NDUFS1: variants seen among roughly 807,000 people sequenced by gnomAD.
NDUFS1 encodes NADH-ubiquinone oxidoreductase 75 kDa subunit, mitochondrial.
Under a neutral mutation model 84.4 loss-of-function variants are expected in NDUFS1, and 61 were observed. The observed-to-expected ratio is 0.72, with a 90% CI of 0.59 to 0.89. NDUFS1 has a LOEUF of 0.89. Among genes scored for constraint, NDUFS1 ranks in the 40% least tolerant of loss-of-function variants. NDUFS1 has a pLI of 0.00. For synonymous variants in NDUFS1, 275 were observed against 290.0 expected, an observed-to-expected ratio of 0.95 and a Z score of 0.53; for missense variants, 891 against 890.0, an observed-to-expected ratio of 1.00 and a Z score of -0.01.
chr2:206,131,082 G>A (rs562219654), intron 14 of NDUFS1, among the ~76,000 whole-genome samples: 25 of 152,218 alleles, frequency 1.6e-4, no homozygotes, highest in African/African-American at 6.0e-4. Context: ...TGAATAGCAG[G>A]GTTGTTGTTT....
rs1001635377 is a variant in NDUFS1 at position 206,122,658 on chromosome 2, G to C, written c.*1527C>G. 1.5e-4 allele frequency: 18 copies of C among 121,054 alleles called. No individual in the cohort carries two copies. Among genetic ancestry groups the C allele is most frequent in the Non-Finnish European group, 2.7e-4 (16 of 59,500 alleles). 7.5% of individuals were successfully genotyped at this position (121,054 alleles called of 1,614,324 possible). A position where few individuals can be genotyped will look rare whatever the true frequency, so the allele number is the denominator to read the frequency against. On this transcript the variant is annotated 3_prime_UTR_variant, in exon 19 of 19. Coordinates refer to ENST00000233190, the MANE Select transcript of NDUFS1 (RefSeq NM_005006.7). ...AAAAAAAAAAAAACAAAGGGAAAAA[G>C]GGCATCCTATACTTGGGCTGAGTCT...
At chr2:206,158,936 T>G in intron 1 of NDUFS1, 1 of 697,758 alleles carries the variant, frequency 1.4e-6, no homozygotes. Flanking sequence ...CAAACAATCA[T>G]GCACTGTATC....
At chr2:206,151,179 G>A (rs1160034025) in intron 3 of NDUFS1, among the ~76,000 whole-genome samples, 1 of 152,076 alleles carries the variant, frequency 6.6e-6, no homozygotes, top group African/African-American at 2.4e-5. Context: ...TGTTTAAATA[G>A]GCAACAAAAC....
rs863224099 is a variant in NDUFS1 at position 206,127,881 on chromosome 2, C to G, written c.1800G>C (p.Glu600Asp). 1 of 1,614,012 alleles carries G rather than the reference C, an allele frequency of 6.2e-7. No homozygotes were observed. Among genetic ancestry groups the G allele is most frequent in the Non-Finnish European group, 8.5e-7 (1 of 1,180,020 alleles). ...CTACCTTAGTCTGCTGAGCTCTACC[C>G]TCAGTGTTGACATATGTAGCAGACT... is the stretch of plus-strand genomic sequence containing the variant. The part of the protein sequence containing the change: ...TEKSATYVNT[E>D]GRAQQTKVAV... Residue 600 changes from glutamate (E) to aspartate (D), a missense_variant, in exon 16 of 19, where the codon GAG becomes GAC. By Grantham distance (45) the Glu-to-Asp change is conservative (BLOSUM62 2). Coordinates refer to ENST00000233190, the MANE Select transcript of NDUFS1 (RefSeq NM_005006.7).
chr2:206,122,628 T>TAAAAAAAAAAA lies in NDUFS1; in HGVS notation c.*1556_*1557insTTTTTTTTTTT, dbSNP rs1393532839. On this transcript the variant is annotated 3_prime_UTR_variant, in exon 19 of 19. Transcript: ENST00000233190. Reference sequence around the variant, plus strand: ...TTGGGTGACAGAGTAAGACTCCATCTCAAAAAAAAAAAAAAAACAAAGGGA... The same window carrying TAAAAAAAAAAA: ...TTGGGTGACAGAGTAAGACTCCATCTAAAAAAAAAAACAAAAAAAAAAAAAAAACAAAGGGA... 4 of 33,562 alleles carry TAAAAAAAAAAA rather than the reference T, an allele frequency of 1.2e-4. No individual in the cohort carries two copies. The highest frequency in any genetic ancestry group is 3.4e-4 in the Admixed American group (1 of 2,912). The allele number at this position is 33,562 out of a possible 1,614,324, so 2.1% of individuals were successfully genotyped here.
intron 5 of NDUFS1, 38 bp from the exon 6 acceptor site, chr2:206,147,872 T>TAC: frequency 1.3e-6 from 2 of 1,543,814 alleles, no homozygotes; most frequent in Non-Finnish European, 1.8e-6. Flanking sequence ...GACTCTCAAA[T>TAC]ACACACACAC....
At chr2:206,143,809 T>C (rs1334307091) in intron 10 of NDUFS1, among the ~76,000 whole-genome samples, 1 of 152,202 alleles carries the variant, frequency 6.6e-6, no homozygotes, top group Non-Finnish European at 1.5e-5. Flanking sequence ...GATTGTAGGA[T>C]GCAGGAATGA....
Position 206,153,630 on chromosome 2 carries a change from G to A in NDUFS1, c.49C>T (p.Pro17Ser). The change falls in exon 2 of 19, where the codon CCT (proline) becomes TCT (serine). Residue 17 changes from proline (P) to serine (S), a missense_variant. Coordinates refer to ENST00000233190, the MANE Select transcript of NDUFS1 (RefSeq NM_005006.7). ...RKALVGLSKS[P>S]KGCVRTTATA... ...AGAAAATACTCACCACATCCTTTAG[G>A]AGACTTAGAAAGGCCTACTAAGGCC... The A allele has an allele frequency of 1.9e-6, 3 of 1,545,334 alleles. No individual in the cohort carries two copies. Among genetic ancestry groups the A allele is most frequent in the Non-Finnish European group, 2.7e-6 (3 of 1,118,504 alleles).
At chr2:206,148,153 G>A (rs1388308436) in intron 5 of NDUFS1, among the ~76,000 whole-genome samples, 1 of 152,052 alleles carries the variant, frequency 6.6e-6, no homozygotes, top group African/African-American at 2.4e-5. Flanking sequence ...TCGAACTCCT[G>A]ACCTCAAGTG....
intron 2 of NDUFS1, 113 bp from the exon 3 acceptor site, chr2:206,152,623 C>A: frequency 1.2e-6 from 1 of 816,218 alleles, no homozygotes; most frequent in African/African-American, 1.7e-5. Context: ...CTTATTATTC[C>A]TCTGTATTGC....
intron 5 of NDUFS1, 36 bp from the exon 6 acceptor site, chr2:206,147,870 A>G (rs1692220511): frequency 6.5e-7 from 1 of 1,549,624 alleles, no homozygotes; most frequent in Non-Finnish European, 8.9e-7. Context: ...ATGACTCTCA[A>G]ATACACACAC....
chr2:206,132,802 G>A (rs773865211), intron 14 of NDUFS1, 143 bp downstream of exon 14: 6 of 713,016 alleles, frequency 8.4e-6, no homozygotes, highest in Non-Finnish European at 1.4e-5. Flanking sequence ...CTCACACAGA[G>A]TAAAGGTCTA....
chr2:206,131,710 G>A (rs1226087985), intron 14 of NDUFS1, among the ~76,000 whole-genome samples: 1 of 152,178 alleles, frequency 6.6e-6, no homozygotes, highest in East Asian at 1.9e-4. Flanking sequence ...GGCTGAGGTG[G>A]GCAGATCGCC....
intron 1 of NDUFS1, among the ~76,000 whole-genome samples, chr2:206,157,337 A>G (rs564733256): frequency 1.3e-5 from 2 of 152,292 alleles, no homozygotes; most frequent in African/African-American, 2.4e-5. Flanking sequence ...TTTACTTACT[A>G]AACTGTAGGT....
chr2:206,152,315 G>A, intron 3 of NDUFS1, 104 bp downstream of exon 3: 2 of 871,410 alleles, frequency 2.3e-6, no homozygotes, highest in South Asian at 2.9e-5. Flanking sequence ...GCTGTGTATA[G>A]TTATTTTAAA....
chr2:206,155,714 G>A (rs1687623397), intron 1 of NDUFS1, among the ~76,000 whole-genome samples: 1 of 151,550 alleles, frequency 6.6e-6, no homozygotes, highest in Non-Finnish European at 1.5e-5. Flanking sequence ...CAATACGCCT[G>A]GCCAATTTTT....
rs1691065174 is a variant in NDUFS1 at position 206,120,476 on chromosome 2, AG to A, written c.*3708del. 1 of 152,208 alleles carries A rather than the reference AG, an allele frequency of 6.6e-6. No homozygotes were observed. Among genetic ancestry groups the A allele is most frequent in the Admixed American group, 6.5e-5 (1 of 15,268 alleles). The allele number at this position is 152,208 out of a possible 1,614,324, so 9.4% of individuals were successfully genotyped here. On this transcript the variant is annotated 3_prime_UTR_variant, in exon 19 of 19. Coordinates refer to ENST00000233190, the MANE Select transcript of NDUFS1 (RefSeq NM_005006.7). ...AGTGATGAGGTCTCAGATGGAAATG[AG>A]GAAGTTATTGGGAACAGGAATAAAG...
intron 1 of NDUFS1, 141 bp downstream of exon 1, chr2:206,159,200 C>G (rs564952678): frequency 1.3e-6 from 2 of 1,511,238 alleles, no homozygotes; most frequent in African/African-American, 1.4e-5. Flanking sequence ...CTCTCAGGGG[C>G]TTCCGAGGCG....
chr2:206,145,562 A>G (rs2105971948), intron 8 of NDUFS1, among the ~76,000 whole-genome samples: 1 of 152,286 alleles, frequency 6.6e-6, no homozygotes, highest in South Asian at 2.1e-4. Context: ...ATTTCTGTCT[A>G]TGGGAGATTA....
Sources: allele counts gnomAD v4.1 joint callset (sites outside exome capture counted in the v4.1 genomes callset), GRCh38; gene constraint gnomAD v4.1.1; transcripts MANE v1.5; gene names NCBI Gene and HGNC (gene_info 2026-07-23, HGNC 2026-07-21).